The following SEPTIN10 variants were observed in gnomAD, a reference collection of about 807,000 sequenced individuals.
SEPTIN10 encodes the protein septin 10.
A neutral mutation model predicts 54.8 loss-of-function variants in SEPTIN10; 66 were observed. The ratio of observed to expected loss-of-function variants is 1.21; its 90% confidence interval spans 0.99 to 1.48. SEPTIN10 has a LOEUF of 1.48. Among genes scored for constraint, SEPTIN10 ranks in the 40% most tolerant of loss-of-function variants. The pLI is 0.00. For missense variants in SEPTIN10, 620 were observed against 545.6 expected, an observed-to-expected ratio of 1.14 and a Z score of -1.36; for synonymous variants, 161 against 181.0, an observed-to-expected ratio of 0.89 and a Z score of 0.89.
intron 5 of SEPTIN10, among the ~76,000 whole-genome samples, chr2:109,573,972 T>A (rs1370427625): frequency 6.6e-6 from 1 of 152,194 alleles, no homozygotes; most frequent in Non-Finnish European, 1.5e-5. Context: ...TAAAGTAAAA[T>A]TAGTATCAAC....
At chr2:109,605,515 A>G (rs1697746476) in intron 1 of SEPTIN10, 2 of 152,194 alleles carry the variant, frequency 1.3e-5, no homozygotes, top group African/African-American at 4.8e-5. Context: ...TTGAATAACA[A>G]AGTTAATTCA....
chr2:109,553,817 G>A (rs1444751382), intron 8 of SEPTIN10, among the ~76,000 whole-genome samples: 2 of 150,990 alleles, frequency 1.3e-5, no homozygotes, highest in African/African-American at 2.4e-5. Flanking sequence ...TCGCGCCACT[G>A]CATTCCAGCC....
intron 7 of SEPTIN10, among the ~76,000 whole-genome samples, chr2:109,565,171 TA>T (rs534829064): frequency 1.4e-3 from 206 of 152,302 alleles, no homozygotes; most frequent in Non-Finnish European, 2.2e-3. Context: ...AAAAATGTTA[TA>T]TTTTCTCAAT....
At chr2:109,570,239 C>T (rs1688036356) in intron 5 of SEPTIN10, among the ~76,000 whole-genome samples, 1 of 152,018 alleles carries the variant, frequency 6.6e-6, no homozygotes, top group Non-Finnish European at 1.5e-5. Flanking sequence ...GAGTAGTGAC[C>T]ATCTTTAAAT....
At position 109,585,154 on chromosome 2, in the gene SEPTIN10, A is replaced by C. The variant is rs944490082; in HGVS notation, c.385T>G (p.Phe129Val). The change falls in exon 4 of 11, where the codon TTT (phenylalanine) becomes GTT (valine). Residue 129 changes from phenylalanine to valine, a missense_variant. Coordinates refer to ENST00000397712, the MANE Select transcript of SEPTIN10 (RefSeq NM_144710.5). The stretch of plus-strand genomic sequence containing the variant: ...TCTTCTTTATTTATTTGGTCACCAA[A>C]TCCCACTGTATTCACAATGGTCAAT... ...LKLTIVNTVG[F>V]GDQINKEESY... The C allele has an allele frequency of 5.0e-6, 8 of 1,592,998 alleles. No homozygotes were observed. In the African/African-American group the frequency reaches 1.1e-4, roughly 22 times the overall value.
At chr2:109,565,656 G>A in intron 7 of SEPTIN10, 107 bp downstream of exon 7, 1 of 987,566 alleles carries the variant, frequency 1.0e-6, no homozygotes, top group South Asian at 1.4e-5. Context: ...CAATTCCTCT[G>A]ACAACCAATC....
chr2:109,557,804 A>G lies in SEPTIN10; in HGVS notation c.1029-4585T>C, dbSNP rs528963045. On this transcript the variant is annotated intron_variant, in intron 8 of 10. Transcript: ENST00000397712. The stretch of plus-strand genomic sequence containing the variant: ...ATAAAAATAAAAACATTTTCTTGCT[A>G]TACTATTCCCTTTTCTAGCATAAAA... Among the ~76,000 whole-genome samples the G allele has an allele frequency of 4.6e-5, 7 of 152,120 alleles. 1 individual carries two copies. Among genetic ancestry groups the G allele is most frequent in the African/African-American group, 1.4e-4 (6 of 41,526 alleles).
At chr2:109,570,276 C>T (rs1054641967) in intron 5 of SEPTIN10, among the ~76,000 whole-genome samples, 4 of 152,026 alleles carry the variant, frequency 2.6e-5, no homozygotes, top group Non-Finnish European at 5.9e-5. Context: ...TGACCTTTAC[C>T]GTTACCATAA....
At chr2:109,591,772 C>T (rs1454457319) in intron 2 of SEPTIN10, among the ~76,000 whole-genome samples, 1 of 151,970 alleles carries the variant, frequency 6.6e-6, no homozygotes, top group Non-Finnish European at 1.5e-5. Flanking sequence ...GTGGCACATG[C>T]CTATAATCAT....
At chr2:109,606,443 A>G (rs999576900) in intron 1 of SEPTIN10, among the ~76,000 whole-genome samples, 4 of 152,222 alleles carry the variant, frequency 2.6e-5, no homozygotes, top group Non-Finnish European at 5.9e-5. Context: ...ATAAAATGTG[A>G]TAACACAAGG....
intron 1 of SEPTIN10, among the ~76,000 whole-genome samples, chr2:109,595,828 A>G (rs1489237482): frequency 6.6e-6 from 1 of 152,196 alleles, no homozygotes; most frequent in Admixed American, 6.5e-5. Flanking sequence ...GCCACAGATA[A>G]TATCTGGCTA....
intron 9 of SEPTIN10, among the ~76,000 whole-genome samples, chr2:109,551,007 T>C (rs757673649): frequency 1.4e-4 from 22 of 152,330 alleles, no homozygotes; most frequent in Middle Eastern, 6.8e-3. Flanking sequence ...GGGATAAATA[T>C]AAACTGTACT....
chr2:109,572,061 A>T (rs1370865549), intron 5 of SEPTIN10, among the ~76,000 whole-genome samples: 2 of 152,222 alleles, frequency 1.3e-5, no homozygotes, highest in Non-Finnish European at 2.9e-5. Flanking sequence ...ATTGTACTAA[A>T]TGCTTCGTAA....
At chr2:109,558,259 C>T (rs1397202075) in intron 8 of SEPTIN10, among the ~76,000 whole-genome samples, 1 of 152,136 alleles carries the variant, frequency 6.6e-6, no homozygotes, top group Non-Finnish European at 1.5e-5. Flanking sequence ...TTCCGATAAG[C>T]CTAGTGAACT....
intron 1 of SEPTIN10, among the ~76,000 whole-genome samples, chr2:109,598,310 C>T (rs1006356657): frequency 5.3e-5 from 8 of 151,922 alleles, no homozygotes; most frequent in Non-Finnish European, 8.8e-5. Flanking sequence ...TCAGGTGATC[C>T]GCCCACCTCA....
intron 1 of SEPTIN10, chr2:109,605,030 C>A (rs1045990608): frequency 6.6e-6 from 1 of 152,124 alleles, no homozygotes; most frequent in African/African-American, 2.4e-5. Context: ...CCTTGGATCC[C>A]TCAAAGAACT....
intron 1 of SEPTIN10, among the ~76,000 whole-genome samples, chr2:109,609,265 A>G (rs1698698385): frequency 6.6e-6 from 1 of 152,184 alleles, no homozygotes; most frequent in Non-Finnish European, 1.5e-5. Context: ...ATTGTCCAAG[A>G]TAACATACTT....
intron 6 of SEPTIN10, 70 bp from the exon 7 acceptor site, chr2:109,565,929 T>C: frequency 7.6e-7 from 1 of 1,315,266 alleles, no homozygotes; most frequent in Admixed American, 1.7e-5. Context: ...AAATTTTATG[T>C]GAGAGAGAAG....
intron 1 of SEPTIN10, among the ~76,000 whole-genome samples, chr2:109,603,817 T>C (rs992933663): frequency 6.6e-6 from 1 of 151,998 alleles, no homozygotes; most frequent in African/African-American, 2.4e-5. Flanking sequence ...TGGTGGGTCC[T>C]GAGGTCAGCA....
Sources: gnomAD v4.1 joint callset for allele counts (sites outside exome capture counted in the v4.1 genomes callset) on GRCh38, gnomAD v4.1.1 for gene constraint, MANE v1.5 for transcripts, NCBI Gene and HGNC (gene_info 2026-07-23, HGNC 2026-07-21) for gene names.